Variants in C1QTNF3 observed in about 807,000 individuals in gnomAD.
C1QTNF3 encodes complement C1q tumor necrosis factor-related protein 3.
C1QTNF3 carries 26 observed loss-of-function variants against 32.6 expected under a neutral mutation model. That is an observed-to-expected ratio of 0.80 (90% CI 0.58 to 1.11). The LOEUF (loss-of-function observed/expected upper bound fraction) is 1.11, where lower values mean the gene tolerates loss of function less well. Ranked by LOEUF, C1QTNF3 falls within the 50% of genes least tolerant of loss-of-function variation. The probability of loss-of-function intolerance (pLI) is 0.00; values close to 1 mark genes in which losing one functional copy is unlikely to be tolerated. For missense variants in C1QTNF3, 362 were observed against 398.2 expected (o/e 0.91, Z 0.77); for synonymous variants, 155 against 146.0 (o/e 1.06, Z -0.44).
intron 1 of C1QTNF3, among the ~76,000 whole-genome samples, chr5:34,037,107 A>T (rs1754761633): frequency 6.6e-6 from 1 of 152,260 alleles, no homozygotes; most frequent in South Asian, 2.1e-4. Flanking sequence ...TCAAAGAGCT[A>T]AAGACCTAGT....
chr5:34,068,528 TAGAGAGAGAGAGAGAGGG>T, the C1QTNF3 span, among the ~76,000 whole-genome samples: 1 of 150,062 alleles, frequency 6.7e-6, no homozygotes, highest in African/African-American at 2.4e-5. Context: ...TATACGTATA[TAGAGAGAGAGAGAGAGGG>T]AGAGAGAGAG....
the C1QTNF3 span, among the ~76,000 whole-genome samples, chr5:34,054,862 T>C: frequency 6.6e-6 from 1 of 152,198 alleles, no homozygotes; most frequent in Non-Finnish European, 1.5e-5. Context: ...TCCCTCCTTT[T>C]CCTTTTTGAT....
the C1QTNF3 span, among the ~76,000 whole-genome samples, chr5:34,161,393 T>C: frequency 2.0e-5 from 3 of 152,118 alleles, no homozygotes; most frequent in Admixed American, 6.6e-5. Context: ...AGTGTTCAAA[T>C]GCAAATTCTT....
intron 4 of C1QTNF3, among the ~76,000 whole-genome samples, chr5:34,026,187 T>G (rs1754453790): frequency 1.3e-5 from 2 of 152,188 alleles, no homozygotes; most frequent in Non-Finnish European, 2.9e-5. Flanking sequence ...CTGTAAGTGC[T>G]GCCAAATGCC....
chr5:34,173,869 C>T, the C1QTNF3 span, among the ~76,000 whole-genome samples: 494 of 151,202 alleles, frequency 3.3e-3, 3 homozygotes, highest in African/African-American at 0.011. Context: ...TGACAGACAT[C>T]CATTAGTAAG....
chr5:34,219,580 A>C, the C1QTNF3 span, among the ~76,000 whole-genome samples: 2 of 152,062 alleles, frequency 1.3e-5, no homozygotes, highest in Non-Finnish European at 2.9e-5. Flanking sequence ...TGGAAAAAAA[A>C]AAACCGCTTT....
the C1QTNF3 span, among the ~76,000 whole-genome samples, chr5:34,213,802 TA>T: frequency 5.6e-3 from 32 of 5,688 alleles, no homozygotes; most frequent in South Asian, 8.9e-3. Flanking sequence ...TATATATATA[TA>T]TATATATTTT....
chr5:34,132,435 GTATATATATATATATATATATA>G, the C1QTNF3 span, among the ~76,000 whole-genome samples: 679 of 137,744 alleles, frequency 4.9e-3, 14 homozygotes, highest in African/African-American at 0.019. Context: ...GTATGTGTAT[GTATATATATATATATATATATA>G]TATATATATA....
chr5:34,216,517 T>A, the C1QTNF3 span, among the ~76,000 whole-genome samples: 4 of 152,198 alleles, frequency 2.6e-5, no homozygotes, highest in Admixed American at 6.6e-5. Flanking sequence ...TGTGACAATG[T>A]TTTGTGAATT....
chr5:34,212,320 T>A, the C1QTNF3 span, among the ~76,000 whole-genome samples: 27 of 152,106 alleles, frequency 1.8e-4, no homozygotes, highest in Non-Finnish European at 3.8e-4. Flanking sequence ...AACCTAGGCA[T>A]TACCATTCAG....
chr5:34,162,705 G>T, the C1QTNF3 span, among the ~76,000 whole-genome samples: 2 of 152,086 alleles, frequency 1.3e-5, no homozygotes, highest in Non-Finnish European at 2.9e-5. Context: ...AGCTTGTAAT[G>T]GTTTATCTGA....
chr5:34,172,937 A>C, the C1QTNF3 span, among the ~76,000 whole-genome samples: 2 of 152,192 alleles, frequency 1.3e-5, no homozygotes, highest in Non-Finnish European at 2.9e-5. Flanking sequence ...ATCGAGGATC[A>C]CATATATGCC....
the C1QTNF3 span, among the ~76,000 whole-genome samples, chr5:34,065,172 A>G: frequency 6.6e-6 from 1 of 152,230 alleles, no homozygotes; most frequent in South Asian, 2.1e-4. Flanking sequence ...TAGAATCTGT[A>G]AGGAATTTAA....
chr5:34,096,053 T>C, the C1QTNF3 span, among the ~76,000 whole-genome samples: 11 of 151,656 alleles, frequency 7.3e-5, no homozygotes, highest in Admixed American at 1.3e-4. Context: ...TCTTAAGTAT[T>C]CTCTGGCTTC....
chr5:34,241,656 C>A, the C1QTNF3 span, among the ~76,000 whole-genome samples: 2 of 151,696 alleles, frequency 1.3e-5, no homozygotes, highest in Admixed American at 1.3e-4. Context: ...GTGGTTCATG[C>A]CTTTGGGAGG....
At chr5:34,154,326 A>G in the C1QTNF3 span, among the ~76,000 whole-genome samples, 3 of 152,126 alleles carry the variant, frequency 2.0e-5, no homozygotes, top group African/African-American at 7.2e-5. Flanking sequence ...TCATTCAAAT[A>G]TGTTTGTAAA....
chr5:34,048,708 C>A, the C1QTNF3 span, among the ~76,000 whole-genome samples: 3 of 149,746 alleles, frequency 2.0e-5, no homozygotes, highest in African/African-American at 7.3e-5. Flanking sequence ...AAAAAAAGAG[C>A]AAGTGCCTTC....
the C1QTNF3 span, among the ~76,000 whole-genome samples, chr5:34,164,403 G>A: frequency 1.3e-5 from 2 of 151,966 alleles, no homozygotes; most frequent in Non-Finnish European, 2.9e-5. Context: ...AATGTTTTTA[G>A]CAGAGTTCAA....
At chr5:34,177,769 C>T in the C1QTNF3 span, among the ~76,000 whole-genome samples, 1 of 151,776 alleles carries the variant, frequency 6.6e-6, no homozygotes, top group Admixed American at 6.6e-5. Context: ...TTACAGGCGT[C>T]AGCCACTGCA....
Sources: gnomAD v4.1 joint callset for allele counts (sites outside exome capture counted in the v4.1 genomes callset) on GRCh38, gnomAD v4.1.1 for gene constraint, MANE v1.5 for transcripts, NCBI Gene and HGNC (gene_info 2026-07-23, HGNC 2026-07-21) for gene names.